The following PLBD2 variants were observed in gnomAD, a reference collection of about 807,000 sequenced individuals.
The protein encoded by PLBD2 is putative aminopeptidase PLBD2.
A neutral mutation model predicts 68.3 loss-of-function variants in PLBD2; 51 were observed. The observed-to-expected ratio is 0.75, with a 90% CI of 0.60 to 0.94. PLBD2 has a LOEUF of 0.94. PLBD2 is among the 40% of genes least tolerant of loss of function. The pLI is 0.00. For missense variants in PLBD2, 729 were observed against 792.2 expected, an observed-to-expected ratio of 0.92 and a Z score of 0.96; for synonymous variants, 314 against 339.3, an observed-to-expected ratio of 0.93 and a Z score of 0.82.
intron 1 of PLBD2, among the ~76,000 whole-genome samples, chr12:113,366,100 C>A (rs1593279791): frequency 6.6e-6 from 1 of 152,180 alleles, no homozygotes; most frequent in East Asian, 1.9e-4. Flanking sequence ...CTGAAGGTAT[C>A]AGATGTGGGC....
chr12:113,387,228 C>A, intron 10 of PLBD2, 139 bp downstream of exon 10: 2 of 1,076,444 alleles, frequency 1.9e-6, no homozygotes, highest in Non-Finnish European at 2.6e-6. Context: ...ATGTTGGACA[C>A]CAGTGCAGCA....
At chr12:113,371,289 G>T (rs921778245) in intron 2 of PLBD2, among the ~76,000 whole-genome samples, 2 of 152,188 alleles carry the variant, frequency 1.3e-5, no homozygotes, top group African/African-American at 2.4e-5. Context: ...GTCCCAAAGT[G>T]GGAGTCCTTA....
chr12:113,379,639 G>C (rs1957467324), intron 5 of PLBD2, among the ~76,000 whole-genome samples: 1 of 151,996 alleles, frequency 6.6e-6, no homozygotes, highest in Non-Finnish European at 1.5e-5. Flanking sequence ...TGGGTTTCAG[G>C]TAGAAGGAGT....
At chr12:113,380,487 G>A (rs979980164) in intron 5 of PLBD2, among the ~76,000 whole-genome samples, 2 of 152,172 alleles carry the variant, frequency 1.3e-5, no homozygotes, top group Admixed American at 6.6e-5. Flanking sequence ...GTCCCCAGTC[G>A]ATTGAATCCA....
At position 113,372,451 on chromosome 12, in the gene PLBD2, G is replaced by T. The variant is rs1386892112; in HGVS notation, c.385-198G>T. ...GCTTTGCAGGCTAAAGGCTCTCAGGGCAACTTCCAGGGGCCTGGGGTCCCT... is the reference window on the plus strand; with the variant it reads ...GCTTTGCAGGCTAAAGGCTCTCAGGTCAACTTCCAGGGGCCTGGGGTCCCT... On this transcript the variant is annotated intron_variant, in intron 2 of 11. Coordinates refer to ENST00000280800, the MANE Select transcript of PLBD2 (RefSeq NM_173542.4). This position sits in a 1 kb window ranked among gnomAD's most constrained non-coding sequence, Gnocchi z 4.2. Among the ~76,000 whole-genome samples the T allele has an allele frequency of 6.6e-6, 1 of 152,154 alleles. No homozygotes were observed. The highest frequency in any genetic ancestry group is 1.5e-5 in the Non-Finnish European group (1 of 68,014).
intron 5 of PLBD2, among the ~76,000 whole-genome samples, chr12:113,379,511 C>T (rs957664504): frequency 6.6e-5 from 10 of 152,006 alleles, no homozygotes; most frequent in East Asian, 1.9e-4. Context: ...CCATGCAGGG[C>T]GGGTATAAGG....
Position 113,390,950 on chromosome 12 carries a change from G to A in PLBD2, c.*2324G>A, listed in dbSNP as rs1012297683. The A allele has an allele frequency of 6.6e-6, 1 of 151,940 alleles. No individual in the cohort carries two copies. The highest frequency in any genetic ancestry group is 1.5e-5 in the Non-Finnish European group (1 of 68,008). 9.4% of individuals were successfully genotyped at this position (151,940 alleles called of 1,614,324 possible). On this transcript the variant is annotated 3_prime_UTR_variant, in exon 12 of 12. Transcript: ENST00000280800. ...TTATCACCCATCCATCCACACACGG[G>A]TCTGTGCAGATTCATTAATATCCAC... is the stretch of plus-strand genomic sequence containing the variant.
Position 113,374,577 on chromosome 12 carries a change from A to T in PLBD2, c.644+3A>T. ...ACCATCAAACCCTTGGGGTTCCTGT[A>T]AGTGCCACCCCCAGAGTGAACAGGG... On this transcript the variant is annotated splice_donor_region_variant and intron_variant, in intron 4 of 11. Coordinates refer to ENST00000280800, the MANE Select transcript of PLBD2 (RefSeq NM_173542.4). The T allele has an allele frequency of 6.3e-7, 1 of 1,590,516 alleles. No individual in the cohort carries two copies. The highest frequency in any genetic ancestry group is 8.6e-7 in the Non-Finnish European group (1 of 1,167,834).
At chr12:113,375,256 C>T (rs1243434831) in intron 5 of PLBD2, 2 of 519,710 alleles carry the variant, frequency 3.8e-6, no homozygotes, top group Non-Finnish European at 6.9e-6. Context: ...GATTATCCTC[C>T]TGCCTCAGCC....
At chr12:113,367,748 C>CAAAAAAA (rs563757349) in intron 1 of PLBD2, among the ~76,000 whole-genome samples, 3 of 64,286 alleles carry the variant, frequency 4.7e-5, no homozygotes, top group East Asian at 4.3e-4. Flanking sequence ...GATGCTGTCT[C>CAAAAAAA]AAAAAAAAAA....
At chr12:113,381,154 G>A (rs776897081) in intron 6 of PLBD2, among the ~76,000 whole-genome samples, 1 of 152,152 alleles carries the variant, frequency 6.6e-6, no homozygotes, top group Non-Finnish European at 1.5e-5. Context: ...AACCCTGGTT[G>A]TCAGGAAAGG....
intron 1 of PLBD2, among the ~76,000 whole-genome samples, chr12:113,365,727 C>A (rs1298151992): frequency 4.6e-5 from 7 of 152,182 alleles, no homozygotes; most frequent in African/African-American, 1.7e-4. Flanking sequence ...CCCCACCCTG[C>A]TGGCCCCAAA....
chr12:113,376,331 T>A (rs1439836164), intron 5 of PLBD2, among the ~76,000 whole-genome samples: 2 of 151,854 alleles, frequency 1.3e-5, no homozygotes, highest in Non-Finnish European at 2.9e-5. Flanking sequence ...GTCTGGCTAA[T>A]TTTTGTATTT....
At position 113,372,641 on chromosome 12, in the gene PLBD2, C is replaced by T; in HGVS notation, c.385-8C>T. 1 of 1,599,336 alleles carries T rather than the reference C, an allele frequency of 6.3e-7. No individual in the cohort carries two copies. The highest frequency in any genetic ancestry group is 1.1e-5 in the South Asian group (1 of 90,894). ...CCGCCCTTGCCTCGCCCACCCCCTA[C>T]CCCACAGCTCATCTACATGCACTGG... On this transcript the variant is annotated splice_polypyrimidine_tract_variant and splice_region_variant and intron_variant, in intron 2 of 11. Coordinates refer to ENST00000280800, the MANE Select transcript of PLBD2 (RefSeq NM_173542.4). This position sits in a 1 kb window ranked among gnomAD's most constrained non-coding sequence, Gnocchi z 4.2.
chr12:113,381,700 G>A (rs1187397973), intron 6 of PLBD2, among the ~76,000 whole-genome samples: 1 of 151,742 alleles, frequency 6.6e-6, no homozygotes, highest in Non-Finnish European at 1.5e-5. Context: ...TACCAGGAAA[G>A]GGTCTGGGCA....
intron 2 of PLBD2, among the ~76,000 whole-genome samples, chr12:113,369,777 G>T (rs1287465519): frequency 1.3e-5 from 2 of 152,140 alleles, no homozygotes; most frequent in Non-Finnish European, 2.9e-5. Flanking sequence ...GACTTGGGGG[G>T]AGTGGGGAGT....
rs191220540 is a variant in PLBD2 at position 113,370,635 on chromosome 12, G to A, written c.384+1426G>A. Among the ~76,000 whole-genome samples, 7 of 151,830 alleles carry A rather than the reference G, an allele frequency of 4.6e-5. No individual in the cohort carries two copies. In the East Asian group the frequency reaches 9.7e-4, roughly 21 times the overall value. Reference sequence around the variant, plus strand: ...TGGAATTACAGGCATGCACCACCACGTCTGGCTAGTTTTTGCATTTCAAGT... The same window carrying A: ...TGGAATTACAGGCATGCACCACCACATCTGGCTAGTTTTTGCATTTCAAGT... On this transcript the variant is annotated intron_variant, in intron 2 of 11. Transcript: ENST00000280800.
intron 5 of PLBD2, among the ~76,000 whole-genome samples, chr12:113,379,582 C>A (rs1182472216): frequency 6.6e-6 from 1 of 152,116 alleles, no homozygotes; most frequent in Non-Finnish European, 1.5e-5. Context: ...GTCACAGTAG[C>A]CCTGCTGCAG....
chr12:113,388,354 C>G (rs941044014), intron 11 of PLBD2, 105 bp from the exon 12 acceptor site: 23 of 1,120,854 alleles, frequency 2.1e-5, no homozygotes, highest in Non-Finnish European at 2.7e-5. Context: ...AAAAAAGTGA[C>G]AGTTCAGAAT....
Sources: gnomAD v4.1 joint callset for allele counts (sites outside exome capture counted in the v4.1 genomes callset) on GRCh38, gnomAD v4.1.1 for gene constraint, Gnocchi (gnomAD v3.1) non-coding constraint, MANE v1.5 for transcripts, NCBI Gene and HGNC (gene_info 2026-07-23, HGNC 2026-07-21) for gene names.